Variants in TLK2 observed in about 807,000 individuals in gnomAD.
TLK2 encodes serine/threonine-protein kinase tousled-like 2.
Under a neutral mutation model 117.3 loss-of-function variants are expected in TLK2, and 6 were observed. That is an observed-to-expected ratio of 0.05 (90% CI 0.03 to 0.10). The LOEUF (loss-of-function observed/expected upper bound fraction) is 0.10. Ranked by LOEUF, TLK2 falls within the 10% of genes least tolerant of loss-of-function variation. The pLI is 1.00. For synonymous variants in TLK2, 257 were observed against 316.7 expected (o/e 0.81, Z 2.00); for missense variants, 299 against 901.2 (o/e 0.33, Z 8.56).
intron 6 of TLK2, 119 bp downstream of exon 6, chr17:62,524,450 G>T (rs938766884): frequency 3.8e-6 from 5 of 1,317,442 alleles, no homozygotes; most frequent in East Asian, 2.6e-5. Context: ...AGGGAGAAAA[G>T]TTCATAGTTT....
chr17:62,505,407 AT>A (rs544900638), intron 2 of TLK2, among the ~76,000 whole-genome samples: 26 of 53,764 alleles, frequency 4.8e-4, no homozygotes, highest in African/African-American at 1.3e-3. Context: ...CCATACCCAG[AT>A]TTTTTTTTTT....
At chr17:62,535,228 C>T (rs953092905) in intron 6 of TLK2, among the ~76,000 whole-genome samples, 5 of 151,960 alleles carry the variant, frequency 3.3e-5, no homozygotes, top group African/African-American at 1.2e-4. Flanking sequence ...TGTGTGTATC[C>T]TTTTTGGTAT....
At chr17:62,596,703 G>T (rs746661173) in intron 17 of TLK2, 29 bp downstream of exon 17, 73 of 1,588,972 alleles carry the variant, frequency 4.6e-5, no homozygotes, top group Admixed American at 1.2e-4. Flanking sequence ...TACCTTAACA[G>T]TTATATTATT....
chr17:62,498,867 T>C (rs1257023303), intron 2 of TLK2, among the ~76,000 whole-genome samples: 1 of 149,720 alleles, frequency 6.7e-6, no homozygotes, highest in African/African-American at 2.5e-5. Flanking sequence ...TTTGGTTTAT[T>C]TGTTTGTTTG....
intron 10 of TLK2, among the ~76,000 whole-genome samples, chr17:62,564,437 G>A (rs1461042167): frequency 6.6e-6 from 1 of 151,270 alleles, no homozygotes. Flanking sequence ...TTGGGAGGCT[G>A]AGGCAGGAGA....
In TLK2 at chr17:62,566,496, T is replaced by G. The variant is rs2079806968; in HGVS notation, c.968+1359T>G. 4.6e-5 allele frequency among the ~76,000 whole-genome samples: 7 copies of G among 152,326 alleles called. No homozygotes were observed. The South Asian group carries it at 1.4e-3, about 32-fold the overall frequency. The stretch of plus-strand genomic sequence containing the variant: ...TGATTATTCCTCATGTGTGTATATT[T>G]TGGTGTGTGAAGAGGCTTTCAAGTC... On this transcript the variant is annotated intron_variant, in intron 11 of 21. Transcript: ENST00000346027.
chr17:62,596,737 G>GATTC, intron 17 of TLK2, 63 bp downstream of exon 17: 1 of 1,423,176 alleles, frequency 7.0e-7, no homozygotes, highest in Non-Finnish European at 9.9e-7. Flanking sequence ...GATTGTTCAT[G>GATTC]GAATAGAGCT....
At chr17:62,520,682 A>AG in intron 2 of TLK2, 91 bp from the exon 3 acceptor site, 1 of 1,294,220 alleles carries the variant, frequency 7.7e-7, no homozygotes, top group Non-Finnish European at 1.0e-6. Flanking sequence ...TGTCTAAAAA[A>AG]AAAAAAAAAA....
chr17:62,485,411 A>G (rs1179330025), intron 2 of TLK2, among the ~76,000 whole-genome samples: 1 of 152,194 alleles, frequency 6.6e-6, no homozygotes, highest in Non-Finnish European at 1.5e-5. Context: ...CTTAGACTAA[A>G]ACAAAATGGC....
intron 21 of TLK2, among the ~76,000 whole-genome samples, chr17:62,608,519 G>A (rs568115999): frequency 1.3e-5 from 2 of 152,344 alleles, no homozygotes; most frequent in African/African-American, 4.8e-5. Context: ...TAATGCCCAT[G>A]TAGGAGAAAT....
At position 62,497,966 on chromosome 17, in the gene TLK2, G is replaced by C. The variant is rs543607775; in HGVS notation, c.81+16760G>C. 9.2e-5 allele frequency among the ~76,000 whole-genome samples: 14 copies of C among 152,296 alleles called. No homozygotes were observed. The South Asian group carries it at 1.9e-3, about 20-fold the overall frequency. ...CCACCTTGGCCTCCCAAAGTGCTGG[G>C]ATTACAGGTGTGAGCCACCGTGCCC... On this transcript the variant is annotated intron_variant, in intron 2 of 21. Transcript: ENST00000346027.
chr17:62,473,543 G>A (rs2070981326), intron 1 of TLK2, among the ~76,000 whole-genome samples: 1 of 152,198 alleles, frequency 6.6e-6, no homozygotes, highest in South Asian at 2.1e-4. Flanking sequence ...AGCCTCACCT[G>A]GAAAGTTGTT....
At chr17:62,582,329 C>CTGAA (rs2081282536) in intron 15 of TLK2, among the ~76,000 whole-genome samples, 1 of 152,024 alleles carries the variant, frequency 6.6e-6, no homozygotes, top group East Asian at 1.9e-4. Flanking sequence ...GATCTTCACC[C>CTGAA]CTCAGTCTTC....
chr17:62,477,102 AT>A (rs572160841), upstream of TLK2, among the ~76,000 whole-genome samples: 464 of 151,748 alleles, frequency 3.1e-3, 3 homozygotes, highest in South Asian at 5.9e-3. Context: ...AAAAAAAAAA[AT>A]TTTTTTTAAA....
intron 2 of TLK2, among the ~76,000 whole-genome samples, chr17:62,488,510 T>A (rs1318489949): frequency 6.6e-6 from 1 of 152,218 alleles, no homozygotes; most frequent in Non-Finnish European, 1.5e-5. Flanking sequence ...CCTATACTTA[T>A]ATTGATGCAT....
intron 2 of TLK2, among the ~76,000 whole-genome samples, chr17:62,506,931 A>G (rs1371314488): frequency 6.6e-6 from 1 of 152,204 alleles, no homozygotes; most frequent in African/African-American, 2.4e-5. Flanking sequence ...TTTCAGTTAT[A>G]TAAAGAATGT....
At chr17:62,559,612 A>G (rs1437560263) in intron 9 of TLK2, among the ~76,000 whole-genome samples, 1 of 151,996 alleles carries the variant, frequency 6.6e-6, no homozygotes, top group Admixed American at 6.6e-5. Context: ...TCCTGACCTC[A>G]AGTCATCTGC....
At chr17:62,529,904 A>G (rs2076623216) in intron 6 of TLK2, among the ~76,000 whole-genome samples, 1 of 151,836 alleles carries the variant, frequency 6.6e-6, no homozygotes. Flanking sequence ...CTTAGAAAGT[A>G]CCACATACCG....
intron 7 of TLK2, among the ~76,000 whole-genome samples, chr17:62,537,952 T>TA (rs2077224167): frequency 6.6e-6 from 1 of 152,062 alleles, no homozygotes; most frequent in Admixed American, 6.6e-5. Context: ...GCTATAGTAT[T>TA]GTTCTAAAGA....
Sources: gnomAD v4.1 joint callset for allele counts (sites outside exome capture counted in the v4.1 genomes callset) on GRCh38, gnomAD v4.1.1 for gene constraint, MANE v1.5 for transcripts, NCBI Gene and HGNC (gene_info 2026-07-23, HGNC 2026-07-21) for gene names.